The following PKM variants were observed in gnomAD, a reference collection of about 807,000 sequenced individuals.
PKM encodes pyruvate kinase M1/2.
PKM carries 18 observed loss-of-function variants against 49.8 expected under a neutral mutation model. The ratio of observed to expected loss-of-function variants is 0.36; its 90% confidence interval spans 0.25 to 0.54. The LOEUF (loss-of-function observed/expected upper bound fraction) is 0.54. PKM is among the 20% of genes least tolerant of loss of function. The pLI is 0.89. For synonymous variants in PKM, 239 were observed against 261.8 expected, an observed-to-expected ratio of 0.91 and a Z score of 0.84; for missense variants, 508 against 713.8, an observed-to-expected ratio of 0.71 and a Z score of 3.28.
chr15:72,200,328 G>A lies in PKM; in HGVS notation c.1489+146C>T. On this transcript the variant is annotated intron_variant, in intron 10 of 10. Transcript: ENST00000335181. The surrounding 1 kb of genome is among the most constrained non-coding windows in gnomAD (Gnocchi z 4.6). Reference sequence around the variant, plus strand: ...GATTCAGAATGAACATTCCCAATAAGGGAGAGGAACAGTCGCTGGGCCTTT... The same window carrying A: ...GATTCAGAATGAACATTCCCAATAAAGGAGAGGAACAGTCGCTGGGCCTTT... The A allele has an allele frequency of 2.7e-6, 2 of 736,432 alleles. No homozygotes were observed. Among genetic ancestry groups the A allele is most frequent in the Non-Finnish European group, 4.8e-6 (2 of 418,076 alleles). 45.6% of individuals were successfully genotyped at this position (736,432 alleles called of 1,614,324 possible). A position where few individuals can be genotyped will look rare whatever the true frequency, so the allele number is the denominator to read the frequency against.
Position 72,200,129 on chromosome 15 carries a change from A to AT in PKM, c.1489+344dup, listed in dbSNP as rs2081903609. Among the ~76,000 whole-genome samples, 1 of 151,476 alleles carries AT rather than the reference A, an allele frequency of 6.6e-6. No homozygotes were observed. Among genetic ancestry groups the AT allele is most frequent in the Admixed American group, 6.6e-5 (1 of 15,204 alleles). On this transcript the variant is annotated intron_variant, in intron 10 of 10. Transcript: ENST00000335181. The surrounding 1 kb of genome is among the most constrained non-coding windows in gnomAD (Gnocchi z 4.6). ...CAGCACAGGAGCTGTGGCCAATTTTATTTAAAAAAAAAACAAAAAACAAAA... is the reference window on the plus strand; with the variant it reads ...CAGCACAGGAGCTGTGGCCAATTTTATTTTAAAAAAAAAACAAAAAACAAAA...
At position 72,217,459 on chromosome 15, in the gene PKM, T is replaced by C. The variant is rs748936913; in HGVS notation, c.196A>G (p.Lys66Glu). Residue 66 changes from lysine (K) to glutamate (E), a missense_variant, in exon 3 of 11, where the codon AAG becomes GAG. Physicochemically the swap from Lys to Glu is moderately conservative, Grantham distance 56. Transcript: ENST00000335181. ...RSVETLKEMIKSGMNVARLNF... is the reference protein window; with the variant it reads ...RSVETLKEMIESGMNVARLNF... ...AGACGAGCCACATTCATTCCAGACT[T>C]AATCATCTCCTTCAACGTCTCCACT... 4 of 1,613,142 alleles carry C rather than the reference T, an allele frequency of 2.5e-6. No individual in the cohort carries two copies. In the South Asian group the frequency reaches 3.3e-5, roughly 13 times the overall value.
chr15:72,199,890 A>C, intron 10 of PKM, 134 bp from the exon 11 acceptor site: 1 of 706,672 alleles, frequency 1.4e-6, no homozygotes, highest in Non-Finnish European at 2.6e-6. Flanking sequence ...GTGGCACCAA[A>C]CTCACAGCCC....
intron 1 of PKM, among the ~76,000 whole-genome samples, chr15:72,225,948 C>T (rs528618968): frequency 2.6e-5 from 4 of 152,316 alleles, no homozygotes; most frequent in South Asian, 4.1e-4. Context: ...TATCAATGAA[C>T]GCTGAGTTGC....
At chr15:72,230,666 G>C (rs934581823) in intron 1 of PKM, among the ~76,000 whole-genome samples, 1 of 152,146 alleles carries the variant, frequency 6.6e-6, no homozygotes, top group African/African-American at 2.4e-5. Flanking sequence ...AGAATCAGGG[G>C]ACACGCACAG....
chr15:72,221,955 A>G (rs1334275698), intron 1 of PKM, among the ~76,000 whole-genome samples: 6 of 150,788 alleles, frequency 4.0e-5, no homozygotes, highest in Admixed American at 2.6e-4. Flanking sequence ...CCACAGGATA[A>G]TCCCATGCCT....
rs774056318 is a variant in PKM, at chr15:72,199,759, G to A, written c.1490-3C>T. On this transcript the variant is annotated splice_region_variant and splice_polypyrimidine_tract_variant and intron_variant, in intron 10 of 10. Coordinates refer to ENST00000335181, the MANE Select transcript of PKM (RefSeq NM_002654.6). ...CTTGAAGAAGCCTCGGGCCTTGCCT[G>A]GAGGAAGAGAAGGGAGGTTGGTGAG... 1 of 1,608,380 alleles carries A rather than the reference G, an allele frequency of 6.2e-7. No individual in the cohort carries two copies. Among genetic ancestry groups the A allele is most frequent in the Non-Finnish European group, 8.5e-7 (1 of 1,175,358 alleles).
At chr15:72,199,880 G>T (rs1006934803) in intron 10 of PKM, 124 bp from the exon 11 acceptor site, 6 of 717,186 alleles carry the variant, frequency 8.4e-6, no homozygotes, top group Non-Finnish European at 1.5e-5. Context: ...ACACCACAAG[G>T]TGGCACCAAA....
chr15:72,217,778 C>A (rs2082412362), intron 2 of PKM, among the ~76,000 whole-genome samples: 1 of 152,164 alleles, frequency 6.6e-6, no homozygotes, highest in Non-Finnish European at 1.5e-5. Flanking sequence ...TCACTGAAAC[C>A]CAGCCAGATG....
Position 72,200,214 on chromosome 15 carries a change from TAGAAG to T in PKM, c.1489+255_1489+259del, listed in dbSNP as rs1345875472. On this transcript the variant is annotated intron_variant, in intron 10 of 10. Coordinates refer to ENST00000335181, the MANE Select transcript of PKM (RefSeq NM_002654.6). This position sits in a 1 kb window ranked among gnomAD's most constrained non-coding sequence, Gnocchi z 4.6. ...GACAATTTTGCTTTGAGCCCCAGAC[TAGAAG>T]AGAAGAGGAACTGAATTGCTCAGCC... 6.6e-6 allele frequency among the ~76,000 whole-genome samples: 1 copy of T among 152,036 alleles called. No homozygotes were observed. The highest frequency in any genetic ancestry group is 1.5e-5 in the Non-Finnish European group (1 of 68,000).
chr15:72,207,378 T>C, intron 6 of PKM, 101 bp from the exon 7 acceptor site: 1 of 1,043,092 alleles, frequency 9.6e-7, no homozygotes, highest in Non-Finnish European at 1.5e-6. Context: ...TTAGATGTCC[T>C]TGTACCAGGA....
chr15:72,203,527 G>A (rs1157867425), intron 8 of PKM: 3 of 375,864 alleles, frequency 8.0e-6, no homozygotes, highest in African/African-American at 6.3e-5. Context: ...CCTGGCAGAG[G>A]ACTTGACCAC....
rs562136169 is a variant in PKM at position 72,228,613 on chromosome 15, A to G, written c.-14+2503T>C. ...AATTCTCTCAAAAGCAGAATAATTG[A>G]AAGGTTGAGTCATCTTCCCCACAGA... On this transcript the variant is annotated intron_variant, in intron 1 of 10. Transcript: ENST00000335181. 1.3e-3 allele frequency: 1,636 copies of G among 1,280,408 alleles called. 23 individuals are homozygous for G. The South Asian group carries it at 0.019, about 15-fold the overall frequency. 79.3% of individuals were successfully genotyped at this position (1,280,408 alleles called of 1,614,324 possible).
chr15:72,231,060 A>G (rs2082853792), intron 1 of PKM, 56 bp downstream of exon 1: 1 of 815,636 alleles, frequency 1.2e-6, no homozygotes, highest in Non-Finnish European at 1.8e-6. Context: ...ATTCCGCACT[A>G]GCCGGGCGAC....
At chr15:72,211,069 G>GT (rs35471277) in intron 3 of PKM, among the ~76,000 whole-genome samples, 3,441 of 142,408 alleles carry the variant, frequency 0.024, 37 homozygotes, top group East Asian at 0.032. Context: ...CAATCGCTTT[G>GT]TTTTTTTTTT....
rs748194545 is a variant in PKM at position 72,202,978 on chromosome 15, G to A, written c.1141-358C>T. On this transcript the variant is annotated intron_variant, in intron 8 of 10. Coordinates refer to ENST00000335181, the MANE Select transcript of PKM (RefSeq NM_002654.6). The surrounding 1 kb of genome is among the most constrained non-coding windows in gnomAD (Gnocchi z 4.5). The stretch of plus-strand genomic sequence containing the variant: ...TCTTCTCCTAGAGCAGGTGGAGCAA[G>A]AGGCTGGTTATCCTAACAGTGTTAC... The A allele has an allele frequency of 1.9e-6, 3 of 1,590,788 alleles. No individual in the cohort carries two copies. In the South Asian group the frequency reaches 3.3e-5, roughly 18 times the overall value.
At chr15:72,224,200 C>G (rs918152525) in intron 1 of PKM, among the ~76,000 whole-genome samples, 1 of 152,166 alleles carries the variant, frequency 6.6e-6, no homozygotes, top group East Asian at 1.9e-4. Flanking sequence ...TTGGGGGAAG[C>G]ATTAGTTGTC....
At chr15:72,216,607 A>G (rs906069961) in intron 3 of PKM, among the ~76,000 whole-genome samples, 1 of 152,196 alleles carries the variant, frequency 6.6e-6, no homozygotes, top group Non-Finnish European at 1.5e-5. Flanking sequence ...TGGATGACAG[A>G]GCAAAATTTT....
intron 3 of PKM, among the ~76,000 whole-genome samples, chr15:72,211,510 TTTTG>T (rs1439502318): frequency 2.6e-5 from 4 of 152,172 alleles, no homozygotes; most frequent in Non-Finnish European, 4.4e-5. Flanking sequence ...CCATTTACCA[TTTTG>T]TTTGTTTAAA....
Sources: gnomAD v4.1 joint callset for allele counts (sites outside exome capture counted in the v4.1 genomes callset) on GRCh38, gnomAD v4.1.1 for gene constraint, Gnocchi (gnomAD v3.1) non-coding constraint, MANE v1.5 for transcripts, NCBI Gene and HGNC (gene_info 2026-07-23, HGNC 2026-07-21) for gene names.